The following ATXN1 variants were observed in gnomAD, a reference collection of about 807,000 sequenced individuals.
ATXN1 encodes the protein ataxin 1.
Under a neutral mutation model 56.4 loss-of-function variants are expected in ATXN1, and 8 were observed. The ratio of observed to expected loss-of-function variants is 0.14; its 90% CI spans 0.08 to 0.26. The LOEUF (loss-of-function observed/expected upper bound fraction) is 0.26. Ranked by LOEUF, ATXN1 falls within the 10% of genes least tolerant of loss-of-function variation. The pLI is 1.00. For missense variants in ATXN1, 987 were observed against 1,106.5 expected (o/e 0.89, Z 1.53); for synonymous variants, 514 against 494.6 (o/e 1.04, Z -0.52).
chr6:16,706,481 T>C (rs1291671371), intron 2 of ATXN1, among the ~76,000 whole-genome samples: 4 of 151,962 alleles, frequency 2.6e-5, no homozygotes, highest in East Asian at 3.9e-4. Flanking sequence ...TCCCAGCACT[T>C]TGGGAGGCCG....
intron 4 of ATXN1, among the ~76,000 whole-genome samples, chr6:16,528,535 AT>A (rs1237497346): frequency 2.0e-5 from 3 of 152,098 alleles, no homozygotes; most frequent in Non-Finnish European, 4.4e-5. Context: ...TTATCATTAT[AT>A]TTTCGGACTA....
intron 2 of ATXN1, among the ~76,000 whole-genome samples, chr6:16,683,058 G>A (rs1228583981): frequency 6.6e-6 from 1 of 152,046 alleles, no homozygotes; most frequent in East Asian, 1.9e-4. Context: ...GAGTTGATGA[G>A]ATCTAGGTTT....
chr6:16,386,047 T>C (rs73724848), intron 6 of ATXN1, among the ~76,000 whole-genome samples: 1 of 152,304 alleles, frequency 6.6e-6, no homozygotes, highest in Admixed American at 6.5e-5. Context: ...TAGAGATAGA[T>C]GCTTGGGGTT....
At chr6:16,526,100 G>A (rs1322180105) in intron 4 of ATXN1, among the ~76,000 whole-genome samples, 2 of 139,376 alleles carry the variant, frequency 1.4e-5, no homozygotes, top group African/African-American at 2.8e-5. Context: ...TACTATGATA[G>A]TATTCATAGT....
intron 6 of ATXN1, among the ~76,000 whole-genome samples, chr6:16,412,677 C>A (rs908171835): frequency 6.6e-6 from 1 of 152,184 alleles, no homozygotes; most frequent in Non-Finnish European, 1.5e-5. Context: ...CTCACCCACA[C>A]CCTAAGAAAT....
chr6:16,600,735 A>G (rs1364247322), intron 3 of ATXN1, among the ~76,000 whole-genome samples: 2 of 152,266 alleles, frequency 1.3e-5, no homozygotes, highest in Non-Finnish European at 2.9e-5. Context: ...TTTGTTTGGA[A>G]TAAATGAATG....
chr6:16,417,985 A>C (rs1209660088), intron 6 of ATXN1, among the ~76,000 whole-genome samples: 1 of 152,142 alleles, frequency 6.6e-6, no homozygotes, highest in East Asian at 1.9e-4. Flanking sequence ...GAGGTTAAAA[A>C]CTATGAGAAG....
intron 4 of ATXN1, among the ~76,000 whole-genome samples, chr6:16,581,434 A>AGACAGT (rs1762528963): frequency 6.6e-6 from 1 of 152,116 alleles, no homozygotes; most frequent in Non-Finnish European, 1.5e-5. Flanking sequence ...TCCGAAGCTA[A>AGACAGT]AAATGCAGCC....
chr6:16,599,231 G>C (rs1038303053), intron 3 of ATXN1, among the ~76,000 whole-genome samples: 4 of 152,168 alleles, frequency 2.6e-5, no homozygotes, highest in African/African-American at 9.7e-5. Flanking sequence ...GCCTTCCAAG[G>C]TATGAACCAA....
intron 2 of ATXN1, among the ~76,000 whole-genome samples, chr6:16,752,262 C>G (rs973569407): frequency 6.6e-6 from 1 of 152,142 alleles, no homozygotes; most frequent in Non-Finnish European, 1.5e-5. Context: ...GAGCTTCTCA[C>G]CAACTAAGTC....
intron 6 of ATXN1, among the ~76,000 whole-genome samples, chr6:16,390,452 T>G (rs1758329429): frequency 6.6e-6 from 1 of 152,150 alleles, no homozygotes; most frequent in Non-Finnish European, 1.5e-5. Flanking sequence ...TTTCCATAAC[T>G]GCCCATCCCT....
At chr6:16,428,197 C>T (rs1759199322) in intron 6 of ATXN1, among the ~76,000 whole-genome samples, 1 of 149,258 alleles carries the variant, frequency 6.7e-6, no homozygotes, top group South Asian at 2.2e-4. Flanking sequence ...CGGCTCACTG[C>T]AACCTCTGGC....
At chr6:16,550,154 AC>A (rs1235525624) in intron 4 of ATXN1, among the ~76,000 whole-genome samples, 53 of 118,758 alleles carry the variant, frequency 4.5e-4, no homozygotes, top group African/African-American at 1.2e-3. Context: ...TAAATAAAAT[AC>A]AAAAAAAAAA....
intron 3 of ATXN1, among the ~76,000 whole-genome samples, chr6:16,617,312 ATATC>A (rs748440003): frequency 6.6e-6 from 1 of 152,208 alleles, no homozygotes; most frequent in Non-Finnish European, 1.5e-5. Flanking sequence ...CTCTGAATTG[ATATC>A]TAATCTATTA....
chr6:16,406,692 T>C (rs1485554334), intron 6 of ATXN1, among the ~76,000 whole-genome samples: 1 of 152,270 alleles, frequency 6.6e-6, no homozygotes, highest in Non-Finnish European at 1.5e-5. Context: ...CAAGCAAGCA[T>C]TAGGTCATAG....
At chr6:16,549,089 A>G (rs1336502193) in intron 4 of ATXN1, among the ~76,000 whole-genome samples, 1 of 152,072 alleles carries the variant, frequency 6.6e-6, no homozygotes, top group Non-Finnish European at 1.5e-5. Context: ...GTCATCTCCT[A>G]TGACAACAGT....
At chr6:16,668,946 C>A (rs1441270949) in intron 2 of ATXN1, among the ~76,000 whole-genome samples, 2 of 152,018 alleles carry the variant, frequency 1.3e-5, no homozygotes, top group Non-Finnish European at 2.9e-5. Flanking sequence ...TGACAGACTG[C>A]AGGAAGCCCA....
chr6:16,325,552 A>G (rs1425464965), intron 7 of ATXN1, among the ~76,000 whole-genome samples: 2 of 151,964 alleles, frequency 1.3e-5, no homozygotes, highest in Non-Finnish European at 2.9e-5. Context: ...AAACCACAAT[A>G]AAGGCTGTTG....
Position 16,503,266 on chromosome 6 carries a change from C to T in ATXN1, c.-298-17157G>A, listed in dbSNP as rs182550007. 7.2e-5 allele frequency among the ~76,000 whole-genome samples: 11 copies of T among 152,296 alleles called. No homozygotes were observed. The East Asian group carries it at 1.9e-3, about 27-fold the overall frequency. ...GCAGAGGTTGGGAGACTGAGAAATCCTCAGGCTACTGGAGAATGTGGTCTG... is the reference window on the plus strand; with the variant it reads ...GCAGAGGTTGGGAGACTGAGAAATCTTCAGGCTACTGGAGAATGTGGTCTG... On this transcript the variant is annotated intron_variant, in intron 5 of 7. Transcript: ENST00000436367.
Sources: allele counts gnomAD v4.1 joint callset (sites outside exome capture counted in the v4.1 genomes callset), GRCh38; gene constraint gnomAD v4.1.1; transcripts MANE v1.5; gene names NCBI Gene and HGNC (gene_info 2026-07-23, HGNC 2026-07-21).